MAST4: variants seen among roughly 807,000 people sequenced by gnomAD.
MAST4 encodes microtubule-associated serine/threonine-protein kinase 4.
MAST4 carries 89 observed loss-of-function variants against 162.7 expected under a neutral mutation model. That is an observed-to-expected ratio of 0.55 (90% confidence interval 0.46 to 0.65). MAST4 has a LOEUF of 0.65. Ranked by LOEUF, MAST4 falls within the 30% of genes least tolerant of loss-of-function variation. The pLI, the probability that MAST4 is intolerant of heterozygous loss-of-function variation, is 0.00. For missense variants in MAST4, 3,153 were observed against 3,374.0 expected, an observed-to-expected ratio of 0.93 and a Z score of 1.62; for synonymous variants, 1,479 against 1,361.1, an observed-to-expected ratio of 1.09 and a Z score of -1.91.
chr5:66,637,198 A>G (rs1362477900), intron 1 of MAST4, among the ~76,000 whole-genome samples: 1 of 151,990 alleles, frequency 6.6e-6, no homozygotes, highest in East Asian at 1.9e-4. Flanking sequence ...TAGATACACT[A>G]AAATGTAACT....
chr5:67,016,078 T>C (rs1351364355), intron 4 of MAST4, among the ~76,000 whole-genome samples: 3 of 152,172 alleles, frequency 2.0e-5, no homozygotes, highest in Admixed American at 2.0e-4. Context: ...TCTAGTGGGC[T>C]TTAGACAGTA....
At chr5:66,788,842 T>A in intron 3 of MAST4, 48 bp downstream of exon 3, 4 of 1,493,702 alleles carry the variant, frequency 2.7e-6, no homozygotes, top group Non-Finnish European at 3.6e-6. Flanking sequence ...TCACCACCTC[T>A]CTAGGGACAA....
At chr5:66,985,471 G>C (rs1217808016) in intron 4 of MAST4, among the ~76,000 whole-genome samples, 1 of 152,208 alleles carries the variant, frequency 6.6e-6, no homozygotes, top group East Asian at 1.9e-4. Flanking sequence ...TCTTTGAAAG[G>C]TACGGAAGAA....
chr5:66,818,899 T>C (rs963908637), intron 3 of MAST4, among the ~76,000 whole-genome samples: 19 of 152,200 alleles, frequency 1.2e-4, no homozygotes, highest in African/African-American at 4.6e-4. Context: ...ACTTTCCTCA[T>C]TGGTAAATTG....
chr5:66,697,863 A>G (rs1179623389), intron 1 of MAST4, among the ~76,000 whole-genome samples: 2 of 152,190 alleles, frequency 1.3e-5, no homozygotes, highest in African/African-American at 4.8e-5. Context: ...TATGACACCT[A>G]ATAACATTTA....
intron 4 of MAST4, among the ~76,000 whole-genome samples, chr5:67,049,605 C>T (rs1021950055): frequency 2.0e-5 from 3 of 152,112 alleles, no homozygotes; most frequent in African/African-American, 7.2e-5. Flanking sequence ...TTCATTAGGA[C>T]GATGTAATAA....
chr5:66,728,152 C>T (rs539611387), intron 1 of MAST4, among the ~76,000 whole-genome samples: 1 of 152,214 alleles, frequency 6.6e-6, no homozygotes, highest in South Asian at 2.1e-4. Context: ...TTATTTTCTT[C>T]CTGTAACTAA....
At chr5:66,769,224 A>G (rs1754251396) in intron 2 of MAST4, among the ~76,000 whole-genome samples, 1 of 152,140 alleles carries the variant, frequency 6.6e-6, no homozygotes, top group Admixed American at 6.5e-5. Context: ...GTCATTCATA[A>G]GAGTGGTGAG....
chr5:66,688,239 C>T (rs1580200272), intron 1 of MAST4, among the ~76,000 whole-genome samples: 1 of 152,304 alleles, frequency 6.6e-6, no homozygotes, highest in East Asian at 1.9e-4. Context: ...ACTGCTGTGC[C>T]ACATTGGTGT....
At chr5:66,976,484 T>G (rs2150220764) in intron 4 of MAST4, among the ~76,000 whole-genome samples, 1 of 152,358 alleles carries the variant, frequency 6.6e-6, no homozygotes, top group Admixed American at 6.5e-5. Context: ...CTCAGGGAGC[T>G]CTCGGACTTG....
chr5:67,043,244 G>A (rs1581314667), intron 4 of MAST4, among the ~76,000 whole-genome samples: 1 of 152,194 alleles, frequency 6.6e-6, no homozygotes, highest in Non-Finnish European at 1.5e-5. Flanking sequence ...GTGGTAGCAA[G>A]TTAAACTGAG....
intron 10 of MAST4, among the ~76,000 whole-genome samples, chr5:67,107,139 C>T (rs771911639): frequency 3.3e-5 from 5 of 152,164 alleles, no homozygotes; most frequent in Non-Finnish European, 7.4e-5. Flanking sequence ...GCAATTCTGT[C>T]CCAGGATATT....
At position 67,164,312 on chromosome 5, in the gene MAST4, A is replaced by G. The variant is rs367744087; in HGVS notation, c.5133A>G (p.Thr1711=). The G allele has an allele frequency of 2.2e-5, 36 of 1,613,888 alleles. No individual in the cohort carries two copies. The African/African-American group carries it at 4.4e-4, about 20-fold the overall frequency. ...GCCCTGTGCTGAAGCCCAAGATGACAGCTGGCTCCCACGAATGCCTGCCAG... is the reference window on the plus strand; with the variant it reads ...GCCCTGTGCTGAAGCCCAAGATGACGGCTGGCTCCCACGAATGCCTGCCAG... ...NLCPVLKPKM[T]AGSHECLPGN... is the part of the protein sequence containing the mutation. The change falls in exon 29 of 29, where the codon ACA becomes ACG. Residue 1711 remains threonine, a synonymous_variant. Coordinates refer to ENST00000403625, the MANE Select transcript of MAST4 (RefSeq NM_001164664.2). The surrounding 1 kb of genome is among the most constrained non-coding windows in gnomAD (Gnocchi z 5.3).
chr5:66,992,585 C>T (rs144644920), intron 4 of MAST4, among the ~76,000 whole-genome samples: 7 of 152,272 alleles, frequency 4.6e-5, no homozygotes, highest in African/African-American at 4.8e-5. Context: ...ATCAACTAAA[C>T]GTTAATTCTT....
intron 1 of MAST4, among the ~76,000 whole-genome samples, chr5:66,648,071 TGTGTGTGTGTGTGAGA>T (rs1370338596): frequency 2.9e-3 from 265 of 90,002 alleles, no homozygotes; most frequent in African/African-American, 0.012. Context: ...TGTGTGTGTG[TGTGTGTGTGTGTGAGA>T]GAGAGAGAGA....
chr5:66,907,679 C>T (rs1195561757), intron 4 of MAST4, among the ~76,000 whole-genome samples: 2 of 149,526 alleles, frequency 1.3e-5, no homozygotes, highest in Non-Finnish European at 3.0e-5. Context: ...TGTTATATAT[C>T]AGAAAATACT....
chr5:67,168,096 G>A lies in MAST4; in HGVS notation c.*1045G>A, dbSNP rs1774252148. The A allele has an allele frequency of 1.3e-5, 2 of 152,192 alleles. No individual in the cohort carries two copies. The highest frequency in any genetic ancestry group is 1.3e-4 in the Admixed American group (2 of 15,288). 9.4% of individuals were successfully genotyped at this position (152,192 alleles called of 1,614,324 possible). Reference sequence around the variant, plus strand: ...CTAGTACTTGAGTAATAAGCATCAGGCATTGGAAGAGGTTTTAAATTTGCT... The same window carrying A: ...CTAGTACTTGAGTAATAAGCATCAGACATTGGAAGAGGTTTTAAATTTGCT... On this transcript the variant is annotated 3_prime_UTR_variant, in exon 29 of 29. Coordinates refer to ENST00000403625, the MANE Select transcript of MAST4 (RefSeq NM_001164664.2).
At chr5:67,070,527 T>G (rs1448252669) in intron 5 of MAST4, among the ~76,000 whole-genome samples, 1 of 152,232 alleles carries the variant, frequency 6.6e-6, no homozygotes, top group Non-Finnish European at 1.5e-5. Context: ...TTGCTGACCT[T>G]TATTTACTTC....
chr5:67,111,721 C>T (rs1387025399), intron 11 of MAST4, among the ~76,000 whole-genome samples: 1 of 152,008 alleles, frequency 6.6e-6, no homozygotes, highest in Non-Finnish European at 1.5e-5. Flanking sequence ...TTTTTCTGGA[C>T]AACAGCAGAT....
Sources: allele counts gnomAD v4.1 joint callset (sites outside exome capture counted in the v4.1 genomes callset), GRCh38; gene constraint gnomAD v4.1.1; non-coding constraint Gnocchi (gnomAD v3.1); transcripts MANE v1.5; gene names NCBI Gene and HGNC (gene_info 2026-07-23, HGNC 2026-07-21).